Variants in IQCE observed in about 807,000 individuals in gnomAD.
IQCE encodes the protein IQ motif containing E, also known as IQ domain-containing protein E.
In IQCE, 115 loss-of-function variants were observed where a neutral mutation model predicts 96.0. That is an observed-to-expected ratio of 1.20 (90% CI 1.03 to 1.40). The LOEUF (loss-of-function observed/expected upper bound fraction) is 1.40. Ranked by LOEUF, IQCE falls within the 40% of genes most tolerant of loss-of-function variation. IQCE has a pLI of 0.00. For missense variants in IQCE, 1,041 were observed against 909.1 expected (o/e 1.15, Z -1.87); for synonymous variants, 412 against 371.2 (o/e 1.11, Z -1.26).
rs149462805 is a variant in IQCE, at chr7:2,584,100, G to C, written c.775-136G>C. The C allele has an allele frequency of 3.1e-5, 25 of 798,780 alleles. No individual in the cohort carries two copies. The East Asian group carries it at 6.2e-4, about 20-fold the overall frequency. 49.5% of individuals were successfully genotyped at this position (798,780 alleles called of 1,614,324 possible). On this transcript the variant is annotated intron_variant, in intron 10 of 21. Coordinates refer to ENST00000402050, the MANE Select transcript of IQCE (RefSeq NM_152558.5). ...GAGCCTGCTCCTGCTTCAGCCCAAC[G>C]GAAAGATGAAGTGCGGCCACTTAGT...
rs1201934844 is a variant in IQCE, at chr7:2,612,816, A to G, written c.*2654A>G. ...GTGAGTGGGGCTGAGCCATGGGAGC[A>G]GCAAGCTGGTGGAGTGGGCTGGGCG... On this transcript the variant is annotated 3_prime_UTR_variant, in exon 22 of 22. Coordinates refer to ENST00000402050, the MANE Select transcript of IQCE (RefSeq NM_152558.5). The G allele has an allele frequency of 6.6e-6, 1 of 152,032 alleles. No homozygotes were observed. The highest frequency in any genetic ancestry group is 2.4e-5 in the African/African-American group (1 of 41,146). The allele number at this position is 152,032 out of a possible 1,614,324, so 9.4% of individuals were successfully genotyped here. A position where few individuals can be genotyped will look rare whatever the true frequency, so the allele number is the denominator to read the frequency against.
At chr7:2,564,837 A>G (rs1165228951) in intron 1 of IQCE, among the ~76,000 whole-genome samples, 1 of 152,022 alleles carries the variant, frequency 6.6e-6, no homozygotes, top group Non-Finnish European at 1.5e-5. Flanking sequence ...AAGTTTTTCT[A>G]ACTCCTCGTT....
Position 2,605,004 on chromosome 7 carries a change from T to C in IQCE, c.1743+13T>C, listed in dbSNP as rs1784693625. 1 of 1,578,528 alleles carries C rather than the reference T, an allele frequency of 6.3e-7. No homozygotes were observed. Among genetic ancestry groups the C allele is most frequent in the South Asian group, 1.1e-5 (1 of 90,316 alleles). On this transcript the variant is annotated intron_variant, in intron 19 of 21. Transcript: ENST00000402050. Reference sequence around the variant, plus strand: ...CCTCCCAGACCAGGTAATGTCGGGGTGCTGGACGTCCCAGTGGCCATCTGC... The same window carrying C: ...CCTCCCAGACCAGGTAATGTCGGGGCGCTGGACGTCCCAGTGGCCATCTGC...
At chr7:2,583,512 T>C (rs1417440746) in intron 9 of IQCE, 125 bp from the exon 10 acceptor site, 16 of 488,030 alleles carry the variant, frequency 3.3e-5, no homozygotes, top group Non-Finnish European at 4.9e-5. Context: ...GTTCAGGCTT[T>C]TCCCTCCCAT....
Position 2,573,434 on chromosome 7 carries a change from T to G in IQCE, c.411T>G (p.Thr137=). Residue 137 remains threonine, a synonymous_variant, in exon 6 of 22, where the codon ACT becomes ACG. Transcript: ENST00000402050. ...TTTCTCTAGGTCATGTCCCTGGGACTCCTGTCTACAGAGAAAAAGAAGATA... is the reference window on the plus strand; with the variant it reads ...TTTCTCTAGGTCATGTCCCTGGGACGCCTGTCTACAGAGAAAAAGAAGATA... ...RSASNGHVPG[T]PVYREKEDMY... 6.6e-7 allele frequency: 1 copy of G among 1,511,700 alleles called. No individual in the cohort carries two copies. The highest frequency in any genetic ancestry group is 9.2e-7 in the Non-Finnish European group (1 of 1,087,322). The allele number at this position is 1,511,700 out of a possible 1,614,324, so 93.6% of individuals were successfully genotyped here.
At chr7:2,559,939 G>C (rs966211307) in intron 1 of IQCE, among the ~76,000 whole-genome samples, 4 of 152,212 alleles carry the variant, frequency 2.6e-5, no homozygotes, top group Non-Finnish European at 4.4e-5. Context: ...TGGGAGGATC[G>C]CTTGAGGCCA....
chr7:2,607,027 A>G (rs1784883359), intron 20 of IQCE, 97 bp from the exon 21 acceptor site: 10 of 1,121,518 alleles, frequency 8.9e-6, no homozygotes, highest in Admixed American at 2.6e-5. Flanking sequence ...TCATTGGAAT[A>G]CTTGCCTCCA....
chr7:2,577,650 C>T (rs1186393426), intron 6 of IQCE, among the ~76,000 whole-genome samples: 2 of 101,392 alleles, frequency 2.0e-5, no homozygotes, highest in African/African-American at 4.1e-5. Context: ...TTGGCGTGTG[C>T]TTGGCTGTGC....
At chr7:2,582,198 C>A in intron 8 of IQCE, 2 of 392,124 alleles carry the variant, frequency 5.1e-6, no homozygotes, top group Non-Finnish European at 1.0e-5. Flanking sequence ...AACTGGGCGG[C>A]CCTAGGGGCT....
chr7:2,595,318 C>T (rs1004033083), intron 16 of IQCE, among the ~76,000 whole-genome samples: 1 of 152,208 alleles, frequency 6.6e-6, no homozygotes, highest in Non-Finnish European at 1.5e-5. Flanking sequence ...AAGGCTCAAC[C>T]AGGCCCCTGC....
At position 2,594,920 on chromosome 7, in the gene IQCE, G is replaced by C. The variant is rs1378009022; in HGVS notation, c.1384G>C (p.Glu462Gln). The change falls in exon 16 of 22, where the codon GAA becomes CAA. Residue 462 changes from glutamate (E) to glutamine (Q), a missense_variant. Coordinates refer to ENST00000402050, the MANE Select transcript of IQCE (RefSeq NM_152558.5). ...EIQTLTSKLQELQEMKKEEKE... is the reference protein window; with the variant it reads ...EIQTLTSKLQQLQEMKKEEKE... The stretch of plus-strand genomic sequence containing the variant: ...TCAGACACTTACCAGCAAGCTCCAA[G>C]AATTGCAAGAAATGAAGAAAGAAGA... 1.2e-6 allele frequency: 2 copies of C among 1,613,912 alleles called. No individual in the cohort carries two copies. The highest frequency in any genetic ancestry group is 2.7e-5 in the African/African-American group (2 of 74,918).
chr7:2,594,495 A>T lies in IQCE; in HGVS notation c.1350-391A>T, dbSNP rs536561893. 3.9e-5 allele frequency among the ~76,000 whole-genome samples: 6 copies of T among 152,348 alleles called. No individual in the cohort carries two copies. The South Asian group carries it at 1.2e-3, about 32-fold the overall frequency. On this transcript the variant is annotated intron_variant, in intron 15 of 21. Transcript: ENST00000402050. Reference sequence around the variant, plus strand: ...TATTTATCTCAAATGCTTGGGCTCAAGCGATCCTCTGGCCTTGGCCTCCTA... The same window carrying T: ...TATTTATCTCAAATGCTTGGGCTCATGCGATCCTCTGGCCTTGGCCTCCTA...
In IQCE at chr7:2,571,613, C is replaced by A; in HGVS notation, c.218C>A (p.Ser73Tyr). Reference sequence around the variant, plus strand: ...AGCATGCCTCTGGGCGGCCGAGCGTCCCTGACCCCGCAGAAGCTGTGGCTG... The same window carrying A: ...AGCATGCCTCTGGGCGGCCGAGCGTACCTGACCCCGCAGAAGCTGTGGCTG... Reference protein sequence around the residue: ...AGSMPLGGRASLTPQKLWLGT... With the variant: ...AGSMPLGGRAYLTPQKLWLGT... The change falls in exon 4 of 22, where the codon TCC (serine) becomes TAC (tyrosine). Residue 73 changes from serine to tyrosine, a missense_variant. Coordinates refer to ENST00000402050, the MANE Select transcript of IQCE (RefSeq NM_152558.5). 6.2e-7 allele frequency: 1 copy of A among 1,601,410 alleles called. No homozygotes were observed. The highest frequency in any genetic ancestry group is 1.3e-5 in the African/African-American group (1 of 75,032).
intron 13 of IQCE, among the ~76,000 whole-genome samples, chr7:2,588,154 CT>C (rs1279645578): frequency 6.6e-6 from 1 of 152,214 alleles, no homozygotes; most frequent in African/African-American, 2.4e-5. Context: ...AGGCTGTGGG[CT>C]GTGCACTGCC....
chr7:2,599,765 G>A (rs1041499815), intron 17 of IQCE, among the ~76,000 whole-genome samples: 18 of 151,718 alleles, frequency 1.2e-4, no homozygotes, highest in Non-Finnish European at 2.1e-4. Flanking sequence ...GGGATTACAG[G>A]TGTGAGCTAC....
chr7:2,587,914 C>G lies in IQCE; in HGVS notation c.1044+37C>G, dbSNP rs1303178499. On this transcript the variant is annotated intron_variant, in intron 13 of 21. Transcript: ENST00000402050. ...TCTCAGTGCCACTGTCGTTGGGGAC[C>G]AGGGGCCTCATGCTGTGGGGACGGG... 15 of 1,594,560 alleles carry G rather than the reference C, an allele frequency of 9.4e-6. No homozygotes were observed. The East Asian group carries it at 3.4e-4, about 36-fold the overall frequency.
At chr7:2,599,352 C>T (rs199842746) in intron 17 of IQCE, among the ~76,000 whole-genome samples, 4 of 151,866 alleles carry the variant, frequency 2.6e-5, no homozygotes, top group African/African-American at 9.7e-5. Flanking sequence ...CTCACCACCA[C>T]GCCCAGCTAA....
intron 11 of IQCE, among the ~76,000 whole-genome samples, chr7:2,585,274 G>A (rs1783009513): frequency 6.6e-6 from 1 of 152,192 alleles, no homozygotes; most frequent in African/African-American, 2.4e-5. Flanking sequence ...CTGACCTCAG[G>A]TGATCCGCCT....
intron 6 of IQCE, 57 bp from the exon 7 acceptor site, chr7:2,578,185 G>A (rs1782350963): frequency 7.5e-7 from 1 of 1,333,002 alleles, no homozygotes; most frequent in Non-Finnish European, 1.1e-6. Context: ...GGGGACGTGT[G>A]TGCGGCGTGT....
Sources: gnomAD v4.1 joint callset for allele counts (sites outside exome capture counted in the v4.1 genomes callset) on GRCh38, gnomAD v4.1.1 for gene constraint, MANE v1.5 for transcripts, NCBI Gene and HGNC (gene_info 2026-07-23, HGNC 2026-07-21) for gene names.